Variants in EXOC6 observed in about 807,000 individuals in gnomAD.
EXOC6 encodes the protein exocyst complex component 6.
In EXOC6, 60 loss-of-function variants were observed where a neutral mutation model predicts 112.5. The observed-to-expected ratio is 0.53, with a 90% CI of 0.43 to 0.66. EXOC6 has a LOEUF of 0.66. Among genes scored for constraint, EXOC6 ranks in the 30% least tolerant of loss-of-function variants. The pLI, the probability that EXOC6 is intolerant of heterozygous loss-of-function variation, is 0.00. For synonymous variants in EXOC6, 295 were observed against 308.0 expected, an observed-to-expected ratio of 0.96 and a Z score of 0.44; for missense variants, 855 against 957.1, an observed-to-expected ratio of 0.89 and a Z score of 1.41.
chr10:92,882,395 A>T (rs555044489), intron 1 of EXOC6, among the ~76,000 whole-genome samples: 44 of 151,928 alleles, frequency 2.9e-4, no homozygotes, highest in African/African-American at 1.0e-3. Context: ...AATACAAAAA[A>T]TAGCCAGGCA....
rs116795627 is a variant in EXOC6 at position 92,985,457 on chromosome 10, T to C, written c.1953+11225T>C. Reference sequence around the variant, plus strand: ...GAATTCCCACATACACCTTCATTTTTTTCTGCTGTTGAAAACATTTTATTC... The same window carrying C: ...GAATTCCCACATACACCTTCATTTTCTTCTGCTGTTGAAAACATTTTATTC... On this transcript the variant is annotated intron_variant, in intron 18 of 21. Coordinates refer to ENST00000260762, the MANE Select transcript of EXOC6 (RefSeq NM_019053.6). Among the ~76,000 whole-genome samples the C allele has an allele frequency of 2.2e-3, 339 of 152,302 alleles. 1 individual carries two copies. The highest frequency in any genetic ancestry group is 7.5e-3 in the African/African-American group (312 of 41,560).
intron 1 of EXOC6, among the ~76,000 whole-genome samples, chr10:92,856,087 C>T (rs1462176637): frequency 2.0e-5 from 3 of 152,068 alleles, no homozygotes; most frequent in Admixed American, 2.0e-4. Flanking sequence ...TGGTCTTGAA[C>T]TCCTGACCTC....
At chr10:92,909,356 T>A (rs1490036707) in intron 5 of EXOC6, 71 bp from the exon 6 acceptor site, 13 of 1,119,656 alleles carry the variant, frequency 1.2e-5, no homozygotes, top group Non-Finnish European at 1.6e-5. Flanking sequence ...TAAAACTGAT[T>A]ATTTAGATTT....
At chr10:92,922,739 T>A (rs922663542) in intron 8 of EXOC6, among the ~76,000 whole-genome samples, 3 of 152,218 alleles carry the variant, frequency 2.0e-5, no homozygotes, top group Non-Finnish European at 4.4e-5. Flanking sequence ...TCTCTGACTT[T>A]ACTTAGCTGG....
intron 20 of EXOC6, among the ~76,000 whole-genome samples, chr10:93,036,850 A>G (rs916096459): frequency 8.5e-5 from 13 of 152,208 alleles, no homozygotes; most frequent in African/African-American, 3.1e-4. Flanking sequence ...AGTGAGTTAC[A>G]CAAGGATTAA....
chr10:92,973,067 T>G (rs1842362249), intron 17 of EXOC6, among the ~76,000 whole-genome samples: 2 of 152,228 alleles, frequency 1.3e-5, no homozygotes, highest in Admixed American at 1.3e-4. Flanking sequence ...TGCCTCTAAT[T>G]GTTTTTGACA....
intron 14 of EXOC6, among the ~76,000 whole-genome samples, chr10:92,950,917 A>G (rs1447341400): frequency 6.6e-6 from 1 of 152,158 alleles, no homozygotes; most frequent in Non-Finnish European, 1.5e-5. Context: ...TGTAACCTGA[A>G]TGGGGGTTAT....
At chr10:92,843,939 C>T (rs572421410), upstream of EXOC6, among the ~76,000 whole-genome samples, 181 of 144,242 alleles carry the variant, frequency 1.3e-3, no homozygotes, top group Non-Finnish European at 2.4e-3. Flanking sequence ...ACTGCACCAC[C>T]GCACTCCAGC....
intron 1 of EXOC6, among the ~76,000 whole-genome samples, chr10:92,836,280 C>T (rs1429426548): frequency 6.6e-6 from 1 of 152,228 alleles, no homozygotes; most frequent in Non-Finnish European, 1.5e-5. Context: ...GCTAGTCTGT[C>T]TCTGGTGTTG....
intron 18 of EXOC6, among the ~76,000 whole-genome samples, chr10:92,975,222 C>T (rs1173613553): frequency 6.6e-6 from 1 of 152,028 alleles, no homozygotes; most frequent in African/African-American, 2.4e-5. Flanking sequence ...CCCGCCACCC[C>T]GTCTGGGATG....
chr10:92,967,246 C>A (rs1200784278), intron 17 of EXOC6, among the ~76,000 whole-genome samples: 1 of 152,108 alleles, frequency 6.6e-6, no homozygotes, highest in East Asian at 1.9e-4. Context: ...GTTGCCTGTT[C>A]ACTCTGAAGG....
intron 8 of EXOC6, among the ~76,000 whole-genome samples, chr10:92,926,157 T>C (rs1245534856): frequency 6.6e-6 from 1 of 151,988 alleles, no homozygotes; most frequent in Non-Finnish European, 1.5e-5. Flanking sequence ...TATTAAGATA[T>C]TTATTTCCAA....
At chr10:92,921,119 C>CTT (rs1261567382) in intron 8 of EXOC6, among the ~76,000 whole-genome samples, 2 of 152,036 alleles carry the variant, frequency 1.3e-5, no homozygotes, top group Non-Finnish European at 2.9e-5. Context: ...TTTATGTCTG[C>CTT]TCTGATGTTT....
chr10:92,991,449 A>C lies in EXOC6; in HGVS notation c.1954-6025A>C, dbSNP rs183414929. On this transcript the variant is annotated intron_variant, in intron 18 of 21. Coordinates refer to ENST00000260762, the MANE Select transcript of EXOC6 (RefSeq NM_019053.6). ...AGACTCCATCTCAAAAAAAAAAAAA[A>C]AAAACAAAAGTTAGGGTGAGTTTGG... Among the ~76,000 whole-genome samples, 16 of 151,928 alleles carry C rather than the reference A, an allele frequency of 1.1e-4. No homozygotes were observed. In the East Asian group the frequency reaches 1.5e-3, roughly 15 times the overall value.
intron 5 of EXOC6, among the ~76,000 whole-genome samples, chr10:92,907,057 A>G (rs1212753481): frequency 1.3e-5 from 2 of 152,166 alleles, no homozygotes; most frequent in African/African-American, 4.8e-5. Context: ...CTCTCTGCCT[A>G]AAATGATAAA....
intron 15 of EXOC6, among the ~76,000 whole-genome samples, chr10:92,952,728 C>T (rs912228512): frequency 1.3e-5 from 2 of 152,184 alleles, no homozygotes; most frequent in Non-Finnish European, 2.9e-5. Context: ...CATTAGTTTG[C>T]TTAGGATAAT....
chr10:92,967,388 C>A (rs965240298), intron 17 of EXOC6, among the ~76,000 whole-genome samples: 3 of 152,060 alleles, frequency 2.0e-5, no homozygotes, highest in African/African-American at 4.8e-5. Context: ...GATATTTGGT[C>A]TCTACCACCC....
At chr10:92,829,069 C>T (rs1303889475) in intron 1 of EXOC6, among the ~76,000 whole-genome samples, 1 of 152,104 alleles carries the variant, frequency 6.6e-6, no homozygotes, top group East Asian at 1.9e-4. Context: ...GCAGCTGTGC[C>T]AATAGGGAAA....
intron 20 of EXOC6, among the ~76,000 whole-genome samples, chr10:93,046,933 C>T (rs538832490): frequency 1.3e-5 from 2 of 152,162 alleles, no homozygotes; most frequent in South Asian, 2.1e-4. Context: ...AGTAGTTCCT[C>T]ATTTAGGAGC....
Sources: gnomAD v4.1 joint callset for allele counts (sites outside exome capture counted in the v4.1 genomes callset) on GRCh38, gnomAD v4.1.1 for gene constraint, MANE v1.5 for transcripts, NCBI Gene and HGNC (gene_info 2026-07-23, HGNC 2026-07-21) for gene names.